PLEKHG1: variants seen among roughly 807,000 people sequenced by gnomAD.
PLEKHG1 encodes the protein pleckstrin homology and RhoGEF domain containing G1.
PLEKHG1 carries 44 observed loss-of-function variants against 100.8 expected under a neutral mutation model. That is an observed-to-expected ratio of 0.44 (90% CI 0.34 to 0.56). The LOEUF is 0.56. Ranked by LOEUF, PLEKHG1 falls within the 20% of genes least tolerant of loss-of-function variation. PLEKHG1 has a pLI of 0.01. For synonymous variants in PLEKHG1, 640 were observed against 662.5 expected (o/e 0.97, Z 0.52); for missense variants, 1,545 against 1,720.9 (o/e 0.90, Z 1.81).
At chr6:150,623,283 T>C (rs1339235060) in intron 1 of PLEKHG1, among the ~76,000 whole-genome samples, 1 of 152,172 alleles carries the variant, frequency 6.6e-6, no homozygotes, top group Non-Finnish European at 1.5e-5. Context: ...GCAAGTTAAA[T>C]AACCTTGGGG....
At chr6:150,724,628 C>T (rs1175612583) in intron 1 of PLEKHG1, among the ~76,000 whole-genome samples, 8 of 133,400 alleles carry the variant, frequency 6.0e-5, no homozygotes, top group Admixed American at 6.0e-4. Flanking sequence ...GGTGTGATCT[C>T]GGCTCACTGC....
At chr6:150,640,543 A>G (rs1362676662) in intron 2 of PLEKHG1, among the ~76,000 whole-genome samples, 3 of 152,146 alleles carry the variant, frequency 2.0e-5, no homozygotes, top group African/African-American at 7.2e-5. Context: ...CCTCTCTAAA[A>G]GATCTATCTT....
At chr6:150,765,079 C>T (rs1400728602) in intron 2 of PLEKHG1, among the ~76,000 whole-genome samples, 2 of 152,082 alleles carry the variant, frequency 1.3e-5, no homozygotes, top group Admixed American at 6.5e-5. Flanking sequence ...TTACTATACA[C>T]ATGTAAGTTA....
At chr6:150,729,224 AT>A (rs1350153941) in intron 1 of PLEKHG1, among the ~76,000 whole-genome samples, 1 of 152,108 alleles carries the variant, frequency 6.6e-6, no homozygotes, top group Non-Finnish European at 1.5e-5. Context: ...CACCTGGCTA[AT>A]TTTTTGTATT....
chr6:150,750,089 T>A (rs1262731060), intron 2 of PLEKHG1, among the ~76,000 whole-genome samples: 7 of 137,702 alleles, frequency 5.1e-5, no homozygotes, highest in East Asian at 2.1e-4. Context: ...AAAGAAAATA[T>A]CTACTAGAAG....
intron 1 of PLEKHG1, among the ~76,000 whole-genome samples, chr6:150,623,256 T>G (rs1004996753): frequency 1.8e-4 from 27 of 152,186 alleles, no homozygotes; most frequent in Non-Finnish European, 7.3e-5. Flanking sequence ...ATGGGAAGTC[T>G]TGTTTCATTT....
rs199538579 is a variant in PLEKHG1 at position 150,796,660 on chromosome 6, A to AT, written c.629+766dup. On this transcript the variant is annotated intron_variant, in intron 5 of 15. Transcript: ENST00000358517. ...CAAAGCAATCCAGAGACATTGAGGG[A>AT]TTTTTTTTAAGCAGAGCACCTATCC... Among the ~76,000 whole-genome samples, 1,293 of 152,174 alleles carry AT rather than the reference A, an allele frequency of 8.5e-3. 22 individuals carry two copies. Among genetic ancestry groups the AT allele is most frequent in the African/African-American group, 0.028 (1,178 of 41,522 alleles).
intron 3 of PLEKHG1, among the ~76,000 whole-genome samples, chr6:150,773,085 C>T (rs1285191665): frequency 6.6e-6 from 1 of 152,060 alleles, no homozygotes; most frequent in Non-Finnish European, 1.5e-5. Context: ...AAAGTCCTTT[C>T]AATCTCAGGT....
At chr6:150,718,729 A>G (rs1487061710), upstream of PLEKHG1, among the ~76,000 whole-genome samples, 1 of 151,994 alleles carries the variant, frequency 6.6e-6, no homozygotes, top group African/African-American at 2.4e-5. Context: ...TGGCTTCCCA[A>G]AGTGCTGGGA....
rs114693479 is a variant in PLEKHG1, at chr6:150,811,148, G to A, written c.1278+1414G>A. Among the ~76,000 whole-genome samples, 459 of 152,264 alleles carry A rather than the reference G, an allele frequency of 3.0e-3. 1 individual carries two copies. Among genetic ancestry groups the A allele is most frequent in the African/African-American group, 7.6e-3 (317 of 41,562 alleles). On this transcript the variant is annotated intron_variant, in intron 10 of 15. Transcript: ENST00000358517. ...GGAGCCAGCTGCCAAGCCATGAACC[G>A]TTTGCCAACCATGAAGACATAACAG...
intron 4 of PLEKHG1, among the ~76,000 whole-genome samples, chr6:150,789,841 A>G (rs1050242053): frequency 3.5e-4 from 54 of 152,250 alleles, no homozygotes; most frequent in South Asian, 1.2e-3. Flanking sequence ...ATTTTCATCC[A>G]TGGAGCCAGG....
chr6:150,640,651 G>A (rs531110537), intron 2 of PLEKHG1, among the ~76,000 whole-genome samples: 2 of 152,232 alleles, frequency 1.3e-5, no homozygotes, highest in South Asian at 4.1e-4. Context: ...CTCAGGCCTT[G>A]TGTAAGATAC....
At chr6:150,790,192 TG>T (rs1307670905) in intron 4 of PLEKHG1, among the ~76,000 whole-genome samples, 1 of 152,032 alleles carries the variant, frequency 6.6e-6, no homozygotes, top group Non-Finnish European at 1.5e-5. Flanking sequence ...CGGCTAATTT[TG>T]TATTTATTTT....
intron 3 of PLEKHG1, among the ~76,000 whole-genome samples, chr6:150,697,121 A>AAG (rs1780578722): frequency 6.6e-6 from 1 of 151,956 alleles, no homozygotes; most frequent in South Asian, 2.1e-4. Flanking sequence ...GAAGAAGAAG[A>AAG]AGAAGTACTT....
chr6:150,650,395 G>A (rs895187437), intron 2 of PLEKHG1, among the ~76,000 whole-genome samples: 3 of 152,194 alleles, frequency 2.0e-5, no homozygotes, highest in South Asian at 2.1e-4. Context: ...TGTTTACAGA[G>A]CTATTGTATG....
chr6:150,635,557 C>T (rs1777960709), intron 1 of PLEKHG1, among the ~76,000 whole-genome samples: 1 of 152,142 alleles, frequency 6.6e-6, no homozygotes, highest in African/African-American at 2.4e-5. Flanking sequence ...TCTGAGCTTA[C>T]CTGGAGCCAC....
intron 1 of PLEKHG1, among the ~76,000 whole-genome samples, chr6:150,632,637 C>T (rs1291684495): frequency 6.6e-6 from 1 of 152,186 alleles, no homozygotes; most frequent in Non-Finnish European, 1.5e-5. Context: ...GTCCTAGGGC[C>T]ATTATTCAGG....
upstream of PLEKHG1, among the ~76,000 whole-genome samples, chr6:150,716,194 A>G (rs919018878): frequency 5.3e-5 from 8 of 152,020 alleles, no homozygotes; most frequent in Non-Finnish European, 1.0e-4. Flanking sequence ...ATACATTAAG[A>G]GTCTTTTGTC....
chr6:150,787,800 T>C lies in PLEKHG1; in HGVS notation c.582+1341T>C, dbSNP rs936121322. ...ATATGTAAAGGCACAATCCATGGGC[T>C]CTCCTGACTTTGTGTGTGTGTGTTC... On this transcript the variant is annotated intron_variant, in intron 4 of 15. Coordinates refer to ENST00000358517, the Ensembl canonical transcript of PLEKHG1. 4.6e-5 allele frequency among the ~76,000 whole-genome samples: 7 copies of C among 152,140 alleles called. 1 individual carries two copies. The highest frequency in any genetic ancestry group is 1.5e-5 in the Non-Finnish European group (1 of 68,034).
Sources: allele counts gnomAD v4.1 joint callset (sites outside exome capture counted in the v4.1 genomes callset), GRCh38; gene constraint gnomAD v4.1.1; transcripts MANE v1.5; gene names NCBI Gene and HGNC (gene_info 2026-07-23, HGNC 2026-07-21).